STX2: variants seen among roughly 807,000 people sequenced by gnomAD.
STX2 encodes syntaxin 2, also known as syntaxin-2.
A neutral mutation model predicts 40.6 loss-of-function variants in STX2; 27 were observed. That is an observed-to-expected ratio of 0.66 (90% CI 0.49 to 0.92). STX2 has a LOEUF of 0.92. Ranked by LOEUF, STX2 falls within the 40% of genes least tolerant of loss-of-function variation. STX2 has a pLI of 0.00. For synonymous variants in STX2, 123 were observed against 119.1 expected, an observed-to-expected ratio of 1.03 and a Z score of -0.22; for missense variants, 328 against 366.1, an observed-to-expected ratio of 0.90 and a Z score of 0.85.
intron 1 of STX2, among the ~76,000 whole-genome samples, chr12:130,829,371 GGCTGAAACACAGT>G (rs763740326): frequency 7.9e-4 from 120 of 152,356 alleles, no homozygotes; most frequent in Non-Finnish European, 1.1e-3. Context: ...CCAGTGAGGA[GGCTGAAACACAGT>G]GCAGGGATCA....
chr12:130,821,240 G>A (rs142995481), intron 3 of STX2, among the ~76,000 whole-genome samples: 61 of 152,344 alleles, frequency 4.0e-4, no homozygotes, highest in African/African-American at 1.5e-3. Flanking sequence ...CACAGCCACT[G>A]AGCGCAGCAC....
In STX2 at chr12:130,837,838, G is replaced by A. The variant is rs187735271; in HGVS notation, c.30+1232C>T. The stretch of plus-strand genomic sequence containing the variant: ...AGATGATATTGATCTGCGGAACACA[G>A]GGAATATTTGTCCATTAATAAAAAA... On this transcript the variant is annotated intron_variant, in intron 1 of 10. Transcript: ENST00000392373. Among the ~76,000 whole-genome samples, 353 of 152,304 alleles carry A rather than the reference G, an allele frequency of 2.3e-3. 2 individuals carry two copies. The highest frequency in any genetic ancestry group is 4.4e-3 in the Admixed American group (67 of 15,294).
At chr12:130,798,339 C>A in intron 9 of STX2, 186 bp downstream of exon 9, 1 of 423,078 alleles carries the variant, frequency 2.4e-6, no homozygotes, top group Non-Finnish European at 4.0e-6. Context: ...AAAAGATGAA[C>A]TACAAATAAT....
At chr12:130,820,698 A>G (rs933721788) in intron 3 of STX2, among the ~76,000 whole-genome samples, 3 of 152,154 alleles carry the variant, frequency 2.0e-5, no homozygotes, top group African/African-American at 7.2e-5. Context: ...AATAAAAAAT[A>G]AAGTACATAC....
At chr12:130,818,185 A>AAAAAAATATAT in intron 3 of STX2, among the ~76,000 whole-genome samples, 28 of 70,530 alleles carry the variant, frequency 4.0e-4, no homozygotes, top group African/African-American at 2.5e-3. Flanking sequence ...AAAAAAAAAA[A>AAAAAAATATAT]ATATATATAT....
At chr12:130,832,108 A>C (rs1427148542) in intron 1 of STX2, among the ~76,000 whole-genome samples, 2 of 151,734 alleles carry the variant, frequency 1.3e-5, no homozygotes, top group Non-Finnish European at 2.9e-5. Flanking sequence ...TGGTCTCCCC[A>C]CGTGCTGGTA....
At position 130,807,037 on chromosome 12, in the gene STX2, T is replaced by C; in HGVS notation, c.408A>G (p.Ala136=). ...FVEAMAEYNE[A]QTLFRERSKG... ...TGCTCCGCTCCCGAAACAGAGTCTG[T>C]GCCTCATTGTACTCCGCCATGGCTT... The change falls in exon 6 of 11, where the codon GCA becomes GCG. Residue 136 remains alanine (A), a synonymous_variant. Coordinates refer to ENST00000392373, the MANE Select transcript of STX2 (RefSeq NM_194356.4). 6.2e-7 allele frequency: 1 copy of C among 1,614,234 alleles called. No individual in the cohort carries two copies.
intron 2 of STX2, among the ~76,000 whole-genome samples, chr12:130,824,356 C>T (rs1164302834): frequency 6.6e-6 from 1 of 152,082 alleles, no homozygotes; most frequent in Admixed American, 6.6e-5. Flanking sequence ...CTGCACTCTA[C>T]CCTGGGTGAC....
chr12:130,813,193 C>A (rs994014971), intron 3 of STX2, among the ~76,000 whole-genome samples, 162 bp from the exon 4 acceptor site: 1 of 152,084 alleles, frequency 6.6e-6, no homozygotes, highest in Non-Finnish European at 1.5e-5. Context: ...CAAGGTGGGT[C>A]CCTAGACAGC....
chr12:130,839,070 C>T lies in STX2; in HGVS notation c.30G>A (p.Ala10=). 7.5e-7 allele frequency: 1 copy of T among 1,341,618 alleles called. No homozygotes were observed. The highest frequency in any genetic ancestry group is 9.6e-7 in the Non-Finnish European group (1 of 1,042,890). The allele number at this position is 1,341,618 out of a possible 1,614,324, so 83.1% of individuals were successfully genotyped here. ...ACCGCTACCCGCGGCTGCCGCTCAC[C>T]GCCGTCAGGTCTGGCAGCCGGTCCC... MRDRLPDLT[A]CRKNDDGDTV... The change falls in exon 1 of 11, where the codon GCG becomes GCA. Residue 10 remains alanine, a splice_region_variant and synonymous_variant. Coordinates refer to ENST00000392373, the MANE Select transcript of STX2 (RefSeq NM_194356.4).
chr12:130,838,880 C>G (rs1952827946), intron 1 of STX2, among the ~76,000 whole-genome samples, 190 bp downstream of exon 1: 1 of 151,636 alleles, frequency 6.6e-6, no homozygotes, highest in South Asian at 2.1e-4. Context: ...GGACCCCCGC[C>G]CTGGGGACCC....
chr12:130,828,474 A>T (rs1361054990), intron 1 of STX2, among the ~76,000 whole-genome samples: 2 of 140,004 alleles, frequency 1.4e-5, no homozygotes, highest in Non-Finnish European at 3.0e-5. Context: ...TCCTGAGCTC[A>T]TGCAATCCGC....
At position 130,791,638 on chromosome 12, in the gene STX2, T is replaced by C. The variant is rs1237641292; in HGVS notation, c.*385A>G. The stretch of plus-strand genomic sequence containing the variant: ...TATTAAAATGTTCAATATTTTCTTA[T>C]TTCAAGGCCAGTGAGAGAAGTCTCA... On this transcript the variant is annotated 3_prime_UTR_variant, in exon 11 of 11. Coordinates refer to ENST00000392373, the MANE Select transcript of STX2 (RefSeq NM_194356.4). 1.2e-5 allele frequency: 4 copies of C among 335,496 alleles called. No individual in the cohort carries two copies. Among genetic ancestry groups the C allele is most frequent in the Non-Finnish European group, 2.1e-5 (4 of 186,270 alleles). 20.8% of individuals were successfully genotyped at this position (335,496 alleles called of 1,614,324 possible). A position where few individuals can be genotyped will look rare whatever the true frequency, so the allele number is the denominator to read the frequency against.
At chr12:130,804,026 A>C (rs1951334009) in intron 6 of STX2, among the ~76,000 whole-genome samples, 1 of 152,230 alleles carries the variant, frequency 6.6e-6, no homozygotes, top group Non-Finnish European at 1.5e-5. Flanking sequence ...TGGGGATTAC[A>C]TAATACACCT....
chr12:130,814,215 G>C (rs938782076), intron 3 of STX2, among the ~76,000 whole-genome samples: 1 of 152,046 alleles, frequency 6.6e-6, no homozygotes, highest in African/African-American at 2.4e-5. Flanking sequence ...GCAGGCCCGT[G>C]TCATCTAAGG....
At chr12:130,827,694 G>A (rs1952377564) in intron 1 of STX2, among the ~76,000 whole-genome samples, 1 of 152,196 alleles carries the variant, frequency 6.6e-6, no homozygotes, top group African/African-American at 2.4e-5. Context: ...GGGGCAGAAT[G>A]CTTAAGTCCA....
intron 8 of STX2, among the ~76,000 whole-genome samples, chr12:130,800,230 T>G (rs1951173560): frequency 6.6e-6 from 1 of 152,076 alleles, no homozygotes; most frequent in South Asian, 2.1e-4. Context: ...ACAGAGCATG[T>G]GATCTGTGAT....
At chr12:130,814,525 A>G (rs1951784276) in intron 3 of STX2, among the ~76,000 whole-genome samples, 2 of 148,522 alleles carry the variant, frequency 1.3e-5, no homozygotes, top group Admixed American at 1.3e-4. Flanking sequence ...CCTGGGCAGG[A>G]GTGTGCAGGC....
chr12:130,832,142 C>T (rs1593193401), intron 1 of STX2, among the ~76,000 whole-genome samples: 5 of 151,972 alleles, frequency 3.3e-5, no homozygotes, highest in Admixed American at 3.3e-4. Context: ...CGACTACACC[C>T]GGCCTGCCTC....
Sources: gnomAD v4.1 joint callset for allele counts (sites outside exome capture counted in the v4.1 genomes callset) on GRCh38, gnomAD v4.1.1 for gene constraint, MANE v1.5 for transcripts, NCBI Gene and HGNC (gene_info 2026-07-23, HGNC 2026-07-21) for gene names.